DAB1: variants seen among roughly 807,000 people sequenced by gnomAD.
The protein encoded by DAB1 is disabled homolog 1.
Under a neutral mutation model 64.6 loss-of-function variants are expected in DAB1, and 15 were observed. The ratio of observed to expected loss-of-function variants is 0.23; its 90% CI spans 0.16 to 0.36. The LOEUF (loss-of-function observed/expected upper bound fraction) is 0.36. DAB1 is among the 10% of genes least tolerant of loss of function. DAB1 has a pLI of 1.00. For missense variants in DAB1, 596 were observed against 706.7 expected (o/e 0.84, Z 1.78); for synonymous variants, 235 against 251.9 (o/e 0.93, Z 0.64).
chr1:57,497,011 C>T (rs953838694), intron 7 of DAB1, among the ~76,000 whole-genome samples: 9 of 152,188 alleles, frequency 5.9e-5, no homozygotes, highest in Non-Finnish European at 1.3e-4. Flanking sequence ...CTCAAACATG[C>T]CTGGCTCATT....
intron 1 of DAB1, among the ~76,000 whole-genome samples, chr1:57,850,392 G>C (rs938884061): frequency 6.6e-6 from 1 of 151,740 alleles, no homozygotes; most frequent in Admixed American, 6.6e-5. Flanking sequence ...CCAAGGACAC[G>C]CTGTAAAAAG....
chr1:58,240,596 T>G (rs1031991888), intron 4 of DAB1, among the ~76,000 whole-genome samples: 1 of 152,242 alleles, frequency 6.6e-6, no homozygotes, highest in Non-Finnish European at 1.5e-5. Flanking sequence ...TATATCCTAA[T>G]TGCTTGAGAT....
chr1:57,997,494 C>A (rs1646442763), intron 5 of DAB1, among the ~76,000 whole-genome samples: 1 of 152,066 alleles, frequency 6.6e-6, no homozygotes, highest in Non-Finnish European at 1.5e-5. Context: ...TGTCTTGGTC[C>A]CTCCCTCTGC....
At chr1:58,075,291 A>G (rs527315492) in intron 5 of DAB1, among the ~76,000 whole-genome samples, 38 of 152,174 alleles carry the variant, frequency 2.5e-4, no homozygotes, top group Non-Finnish European at 5.1e-4. Context: ...GGGATTCCTT[A>G]TTTACACATG....
At chr1:57,624,763 T>G (rs901974029) in intron 7 of DAB1, among the ~76,000 whole-genome samples, 2 of 152,230 alleles carry the variant, frequency 1.3e-5, no homozygotes, top group African/African-American at 4.8e-5. Context: ...GTTAAGCTAA[T>G]GAAGATCTGT....
intron 6 of DAB1, among the ~76,000 whole-genome samples, chr1:57,737,527 T>C (rs1481500002): frequency 2.6e-5 from 4 of 152,290 alleles, no homozygotes; most frequent in Non-Finnish European, 5.9e-5. Context: ...TGAGTTAAAA[T>C]TCATAAACCA....
At chr1:57,220,370 T>C (rs770645085) in intron 2 of DAB1, among the ~76,000 whole-genome samples, 2 of 152,116 alleles carry the variant, frequency 1.3e-5, no homozygotes, top group Non-Finnish European at 2.9e-5. Flanking sequence ...GAGGGCTTGG[T>C]GGGGTGAGGT....
rs483756 is a variant in DAB1, at chr1:58,256,183, C to T, written n.309+87169G>A. The stretch of plus-strand genomic sequence containing the variant: ...CCTCTCCAGTGCAAGTTTAAGAGAA[C>T]GCTCTTCACTATCATTGGCATTGTT... On this transcript the variant is annotated intron_variant and non_coding_transcript_variant, in intron 4 of 20. Transcript: ENST00000485760. Among the ~76,000 whole-genome samples the T allele has an allele frequency of 2.8e-3, 424 of 152,312 alleles. 3 individuals carry two copies. The highest frequency in any genetic ancestry group is 0.01 in the African/African-American group (420 of 41,570).
At chr1:57,125,082 T>C (rs544222634) in intron 4 of DAB1, among the ~76,000 whole-genome samples, 2 of 152,288 alleles carry the variant, frequency 1.3e-5, no homozygotes, top group South Asian at 4.1e-4. Context: ...GCACAGAAGA[T>C]TTGACAACCC....
chr1:58,541,787 T>C (rs1360823354), intron 1 of DAB1, among the ~76,000 whole-genome samples: 1 of 152,190 alleles, frequency 6.6e-6, no homozygotes. Flanking sequence ...CTGAAGGATC[T>C]GTTCATGATA....
At chr1:58,126,422 T>A (rs922363462) in intron 5 of DAB1, among the ~76,000 whole-genome samples, 1 of 151,386 alleles carries the variant, frequency 6.6e-6, no homozygotes, top group Non-Finnish European at 1.5e-5. Context: ...CCATGACTCC[T>A]CATTCAGAAG....
At chr1:57,396,910 A>G (rs1682855464) in intron 1 of DAB1, among the ~76,000 whole-genome samples, 1 of 152,176 alleles carries the variant, frequency 6.6e-6, no homozygotes, top group Admixed American at 6.5e-5. Context: ...ATATATGTTT[A>G]TCTTTCTCAT....
At chr1:57,409,198 G>C (rs1683902759) in intron 1 of DAB1, among the ~76,000 whole-genome samples, 1 of 152,182 alleles carries the variant, frequency 6.6e-6, no homozygotes, top group South Asian at 2.1e-4. Flanking sequence ...ATACCACAGA[G>C]GTAGCAGATA....
chr1:57,857,067 G>A (rs972257198), intron 1 of DAB1, among the ~76,000 whole-genome samples: 1 of 152,176 alleles, frequency 6.6e-6, no homozygotes, highest in Non-Finnish European at 1.5e-5. Flanking sequence ...CACTAGTGGT[G>A]TCTCTCAGAA....
At chr1:57,597,840 T>C (rs1021739075) in intron 7 of DAB1, among the ~76,000 whole-genome samples, 4 of 152,264 alleles carry the variant, frequency 2.6e-5, no homozygotes, top group African/African-American at 9.6e-5. Flanking sequence ...AAACTAATTT[T>C]TTTAAGTCTC....
rs1659579161 is a variant in DAB1 at position 58,227,985 on chromosome 1, T to TA, written n.310-77398dup. 2.6e-5 allele frequency among the ~76,000 whole-genome samples: 4 copies of TA among 152,318 alleles called. 1 individual carries two copies. Among genetic ancestry groups the TA allele is most frequent in the African/African-American group, 9.6e-5 (4 of 41,564 alleles). ...ATACCTGATGTAGACATCGTTGCTT[T>TA]AAAAACAGACCAAGAAAGTGGACTC... is the stretch of plus-strand genomic sequence containing the variant. On this transcript the variant is annotated intron_variant and non_coding_transcript_variant, in intron 4 of 20. Transcript: ENST00000485760.
At chr1:57,731,634 G>A (rs1342519468) in intron 6 of DAB1, among the ~76,000 whole-genome samples, 5 of 151,840 alleles carry the variant, frequency 3.3e-5, no homozygotes, top group African/African-American at 4.8e-5. Flanking sequence ...GTGAAATCCC[G>A]TCTCTACTAA....
intron 7 of DAB1, among the ~76,000 whole-genome samples, chr1:57,492,625 A>G (rs552407340): frequency 1.3e-3 from 194 of 152,346 alleles, no homozygotes; most frequent in Non-Finnish European, 2.1e-3. Flanking sequence ...CGTATTTCAC[A>G]GCAGAACTCT....
intron 5 of DAB1, among the ~76,000 whole-genome samples, chr1:58,146,684 C>A (rs976604793): frequency 6.7e-6 from 1 of 149,766 alleles, no homozygotes; most frequent in Non-Finnish European, 1.5e-5. Context: ...GCAGCATATC[C>A]TTTTTTAAGG....
Sources: allele counts gnomAD v4.1 joint callset (sites outside exome capture counted in the v4.1 genomes callset), GRCh38; gene constraint gnomAD v4.1.1; transcripts MANE v1.5; gene names NCBI Gene and HGNC (gene_info 2026-07-23, HGNC 2026-07-21).